SVOPL: variants seen among roughly 807,000 people sequenced by gnomAD.
SVOPL encodes SVOP like.
Under a neutral mutation model 61.0 loss-of-function variants are expected in SVOPL, and 60 were observed. That is an observed-to-expected ratio of 0.98 (90% CI 0.80 to 1.22). SVOPL has a LOEUF of 1.22. Among genes scored for constraint, SVOPL ranks in the 50% most tolerant of loss-of-function variants. The pLI, the probability that SVOPL is intolerant of heterozygous loss-of-function variation, is 0.00. For missense variants in SVOPL, 662 were observed against 643.9 expected (o/e 1.03, Z -0.30); for synonymous variants, 279 against 250.0 (o/e 1.12, Z -1.09).
chr7:138,613,853 T>C (rs531271059), intron 14 of SVOPL, among the ~76,000 whole-genome samples: 41 of 152,154 alleles, frequency 2.7e-4, no homozygotes, highest in Non-Finnish European at 5.3e-4. Flanking sequence ...ATTTCCACAG[T>C]GTACACACTA....
chr7:138,621,237 G>C (rs1033357766), intron 13 of SVOPL, 102 bp from the exon 14 acceptor site: 5 of 827,032 alleles, frequency 6.0e-6, no homozygotes, highest in Non-Finnish European at 9.3e-6. Flanking sequence ...AATGCATAGA[G>C]CACCAAACAC....
At chr7:138,691,360 A>T (rs1190401040) in intron 1 of SVOPL, among the ~76,000 whole-genome samples, 1 of 147,858 alleles carries the variant, frequency 6.8e-6, no homozygotes, top group African/African-American at 2.5e-5. Flanking sequence ...TCTATCAGTC[A>T]TGTTTTATGA....
chr7:138,624,345 A>G (rs1323335530), intron 13 of SVOPL, among the ~76,000 whole-genome samples: 1 of 152,220 alleles, frequency 6.6e-6, no homozygotes, highest in African/African-American at 2.4e-5. Context: ...GAAGTCTTCA[A>G]AATTCACCAG....
chr7:138,686,652 G>A lies in SVOPL; in HGVS notation c.-34-7573C>T, dbSNP rs1040244888. Reference sequence around the variant, plus strand: ...GTGGTCCTGGCTCACCGCAACCTCCGCCTCCCAGGTTCAAGCAATTCTCCT... The same window carrying A: ...GTGGTCCTGGCTCACCGCAACCTCCACCTCCCAGGTTCAAGCAATTCTCCT... On this transcript the variant is annotated intron_variant, in intron 1 of 15. Coordinates refer to ENST00000674285, the MANE Select transcript of SVOPL (RefSeq NM_001139456.2). Among the ~76,000 whole-genome samples the A allele has an allele frequency of 4.4e-5, 6 of 135,212 alleles. No individual in the cohort carries two copies. The East Asian group carries it at 7.6e-4, about 17-fold the overall frequency. 88.7% of individuals were successfully genotyped at this position (135,212 alleles called of 152,430 possible). A position where few individuals can be genotyped will look rare whatever the true frequency, so the allele number is the denominator to read the frequency against.
chr7:138,668,793 C>T (rs539330054), intron 4 of SVOPL, among the ~76,000 whole-genome samples: 1 of 152,320 alleles, frequency 6.6e-6, no homozygotes, highest in African/African-American at 2.4e-5. Context: ...CCTTGTCAGT[C>T]TGGGGAGCAG....
chr7:138,621,642 T>C (rs984560354), intron 13 of SVOPL, among the ~76,000 whole-genome samples: 2 of 152,206 alleles, frequency 1.3e-5, no homozygotes, highest in African/African-American at 4.8e-5. Context: ...ATGCTGGTCT[T>C]GAACATCTGG....
Position 138,682,321 on chromosome 7 carries a change from A to G in SVOPL, c.-34-3242T>C, listed in dbSNP as rs532023611. On this transcript the variant is annotated intron_variant, in intron 1 of 15. Transcript: ENST00000674285. ...TAACACCATGGAAACAGAGACAGGC[A>G]GATTGCATTGGGTCCTAATGAGATG... 6.6e-5 allele frequency among the ~76,000 whole-genome samples: 10 copies of G among 152,334 alleles called. No homozygotes were observed. In the East Asian group the frequency reaches 1.9e-3, roughly 29 times the overall value.
chr7:138,670,797 T>A (rs964698758), intron 4 of SVOPL, among the ~76,000 whole-genome samples: 1 of 152,166 alleles, frequency 6.6e-6, no homozygotes, highest in Non-Finnish European at 1.5e-5. Flanking sequence ...TACACCCTCA[T>A]TGACCTTCTA....
intron 1 of SVOPL, among the ~76,000 whole-genome samples, chr7:138,686,263 C>G (rs1375410688): frequency 6.6e-6 from 1 of 151,320 alleles, no homozygotes; most frequent in Non-Finnish European, 1.5e-5. Context: ...ATTAGCTGGG[C>G]GTGGTGGTGG....
At chr7:138,649,168 CTT>C (rs1801296266) in intron 7 of SVOPL, 31 bp from the exon 8 acceptor site, 7 of 1,547,994 alleles carry the variant, frequency 4.5e-6, no homozygotes, top group Non-Finnish European at 6.1e-6. Context: ...GATTAAAGTT[CTT>C]TGGGGAATTA....
chr7:138,667,098 T>C (rs1276970007), intron 4 of SVOPL, among the ~76,000 whole-genome samples: 3 of 152,194 alleles, frequency 2.0e-5, no homozygotes, highest in Non-Finnish European at 4.4e-5. Flanking sequence ...AGAGGAGTTT[T>C]AATGAGGGAG....
chr7:138,648,115 C>T (rs972047580), intron 8 of SVOPL, among the ~76,000 whole-genome samples: 22 of 152,180 alleles, frequency 1.4e-4, no homozygotes, highest in African/African-American at 4.8e-4. Context: ...GAACAACCTA[C>T]AGATGAGTGG....
rs138637823 is a variant in SVOPL at position 138,611,170 on chromosome 7, G to A, written c.1353+9876C>T. On this transcript the variant is annotated intron_variant, in intron 14 of 15. Transcript: ENST00000674285. ...AGGTGGACAGATCACTTGAGGTTAG[G>A]AGTTTTAGACCAGCCCTGCCAACAT... 4.8e-3 allele frequency among the ~76,000 whole-genome samples: 725 copies of A among 152,322 alleles called. 4 individuals carry two copies. Among genetic ancestry groups the A allele is most frequent in the African/African-American group, 0.017 (687 of 41,564 alleles).
chr7:138,615,453 A>G (rs1326451383), intron 14 of SVOPL, among the ~76,000 whole-genome samples: 1 of 150,344 alleles, frequency 6.7e-6, no homozygotes, highest in East Asian at 1.9e-4. Flanking sequence ...GCTACTCGGG[A>G]GGCTGAGGCA....
chr7:138,646,878 G>A (rs1440538552), intron 8 of SVOPL, among the ~76,000 whole-genome samples: 5 of 152,112 alleles, frequency 3.3e-5, no homozygotes, highest in African/African-American at 1.2e-4. Flanking sequence ...GAAGCAAGTG[G>A]CTTACTAAGC....
chr7:138,631,960 T>TCACACGCACACACA (rs1800216388), intron 9 of SVOPL, among the ~76,000 whole-genome samples: 1 of 146,966 alleles, frequency 6.8e-6, no homozygotes, highest in Non-Finnish European at 1.5e-5. Flanking sequence ...TGCTCTGATA[T>TCACACGCACACACA]CACACACACA....
At position 138,625,986 on chromosome 7, in the gene SVOPL, A is replaced by G. The variant is rs756819868; in HGVS notation, c.1246T>C (p.Tyr416His). ...ALVAANFNTV[Y>H]IYTAEVYPTT... ...AAACTCACCTCAGCTGTGTAAATGT[A>G]GACGGTGTTGAAGTTTGCAGCTACC... The change falls in exon 13 of 16, where the codon TAC becomes CAC. Residue 416 changes from tyrosine to histidine, a missense_variant. Physicochemically the swap from Tyr to His is moderately conservative, Grantham distance 83. Transcript: ENST00000674285. 1.2e-6 allele frequency: 2 copies of G among 1,614,166 alleles called. No homozygotes were observed. The highest frequency in any genetic ancestry group is 1.6e-4 in the Middle Eastern group (1 of 6,062).
chr7:138,629,125 A>ATGTGTGTGTGTGTG (rs1159184418), intron 10 of SVOPL, among the ~76,000 whole-genome samples: 4 of 64,200 alleles, frequency 6.2e-5, no homozygotes, highest in African/African-American at 3.3e-4. Context: ...CATGTTTTAT[A>ATGTGTGTGTGTGTG]TATGTGTGTG....
At chr7:138,611,836 G>A (rs1250649563) in intron 14 of SVOPL, among the ~76,000 whole-genome samples, 3 of 63,574 alleles carry the variant, frequency 4.7e-5, no homozygotes, top group African/African-American at 1.0e-4. Context: ...CGCCTGCCTT[G>A]GCCTCCCAAA....
Sources: gnomAD v4.1 joint callset for allele counts (sites outside exome capture counted in the v4.1 genomes callset) on GRCh38, gnomAD v4.1.1 for gene constraint, MANE v1.5 for transcripts, NCBI Gene and HGNC (gene_info 2026-07-23, HGNC 2026-07-21) for gene names.